Variants in ASCC2 observed in about 807,000 individuals in gnomAD.
ASCC2 encodes ASC-1 complex subunit P100.
In ASCC2, 42 loss-of-function variants were observed where a neutral mutation model predicts 93.5. The ratio of observed to expected loss-of-function variants is 0.45; its 90% CI spans 0.35 to 0.58. The LOEUF (loss-of-function observed/expected upper bound fraction) is 0.58, where lower values mean the gene tolerates loss of function less well. Ranked by LOEUF, ASCC2 falls within the 20% of genes least tolerant of loss-of-function variation. ASCC2 has a pLI of 0.00. For synonymous variants in ASCC2, 364 were observed against 384.2 expected (o/e 0.95, Z 0.62); for missense variants, 859 against 977.6 (o/e 0.88, Z 1.62).
At position 29,804,794 on chromosome 22, in the gene ASCC2, G is replaced by A. The variant is rs760178615; in HGVS notation, c.1197C>T (p.Val399=). 31 of 1,613,876 alleles carry A rather than the reference G, an allele frequency of 1.9e-5. 1 individual carries two copies. In the South Asian group the frequency reaches 2.2e-4, roughly 11 times the overall value. The part of the protein sequence containing the change: ...ETRTAYILQA[V]ESAWEGVDRR... Reference sequence around the variant, plus strand: ...TGTCCACCCCTTCCCATGCACTCTCGACTGCCTGGAGGATGTAGGCAGTCC... The same window carrying A: ...TGTCCACCCCTTCCCATGCACTCTCAACTGCCTGGAGGATGTAGGCAGTCC... The change falls in exon 13 of 20, where the codon GTC becomes GTT. Residue 399 remains valine (V), a synonymous_variant. Transcript: ENST00000307790.
Position 29,804,724 on chromosome 22 carries a change from G to T in ASCC2, c.1267C>A (p.Pro423Thr), listed in dbSNP as rs36571. The T allele has an allele frequency of 1.2e-6, 2 of 1,613,958 alleles. No individual in the cohort carries two copies. The highest frequency in any genetic ancestry group is 4.5e-5 in the East Asian group (2 of 44,868). The change falls in exon 13 of 20, where the codon CCT (proline) becomes ACT (threonine). Residue 423 changes from proline to threonine, a missense_variant. Pro to Thr is a conservative substitution (Grantham distance 38). Transcript: ENST00000307790. ...GTGACCCCGTTAGGCTCCCCATTAG[G>T]CTCCTCAATCACCGATGGGTCTTTA... The part of the protein sequence containing the change: ...DAKDPSVIEE[P>T]NGEPNGVTVT...
At chr22:29,819,036 G>A (rs1008631172) in intron 5 of ASCC2, among the ~76,000 whole-genome samples, 2 of 152,170 alleles carry the variant, frequency 1.3e-5, no homozygotes, top group Non-Finnish European at 2.9e-5. Flanking sequence ...TTACCAGATG[G>A]CTCCTTGCCT....
intron 2 of ASCC2, among the ~76,000 whole-genome samples, chr22:29,827,826 C>T (rs1176221413): frequency 7.6e-6 from 1 of 131,184 alleles, no homozygotes; most frequent in African/African-American, 3.0e-5. Flanking sequence ...CACACACACA[C>T]ACACATACAC....
At position 29,792,505 on chromosome 22, in the gene ASCC2, G is replaced by A; in HGVS notation, c.1950C>T (p.Thr650=). The A allele has an allele frequency of 1.2e-6, 2 of 1,614,060 alleles. 1 individual carries two copies. Residue 650 remains threonine, a synonymous_variant, in exon 18 of 20, where the codon ACC becomes ACT. Coordinates refer to ENST00000307790, the MANE Select transcript of ASCC2 (RefSeq NM_032204.5). ...RPFTIPQVLR[T]KVPREGQEED... ...CCTCCTGCCCTTCTCTAGGCACTTT[G>A]GTTCTCAGCACCTGAGGGATGGTGA... is the stretch of plus-strand genomic sequence containing the variant.
chr22:29,831,775 C>G (rs906548728), intron 2 of ASCC2, among the ~76,000 whole-genome samples: 1 of 152,146 alleles, frequency 6.6e-6, no homozygotes, highest in Non-Finnish European at 1.5e-5. Flanking sequence ...CTAGCTCTGC[C>G]GGGGTGTTTG....
In ASCC2 at chr22:29,832,232, G is replaced by C. The variant is rs1189073032; in HGVS notation, c.81+13C>G. 1 of 1,605,562 alleles carries C rather than the reference G, an allele frequency of 6.2e-7. No individual in the cohort carries two copies. Among genetic ancestry groups the C allele is most frequent in the South Asian group, 1.1e-5 (1 of 90,872 alleles). The stretch of plus-strand genomic sequence containing the variant: ...ACAATATCAGGCTGAATGGCCTTAA[G>C]TGACCGGCTCACCAGCGCTGGTGAA... On this transcript the variant is annotated intron_variant, in intron 2 of 19. Transcript: ENST00000307790.
chr22:29,835,335 C>T (rs2063641073), intron 1 of ASCC2, among the ~76,000 whole-genome samples: 1 of 151,672 alleles, frequency 6.6e-6, no homozygotes, highest in South Asian at 2.1e-4. Context: ...GAGATCAAGG[C>T]TGCAGTAAGC....
At chr22:29,795,510 G>A (rs531469106) in intron 15 of ASCC2, among the ~76,000 whole-genome samples, 1 of 152,260 alleles carries the variant, frequency 6.6e-6, no homozygotes, top group East Asian at 1.9e-4. Flanking sequence ...GGAGCCATAG[G>A]GATATCTGGG....
intron 4 of ASCC2, among the ~76,000 whole-genome samples, 193 bp from the exon 5 acceptor site, chr22:29,822,657 T>C (rs1393907082): frequency 6.6e-6 from 1 of 151,412 alleles, no homozygotes; most frequent in African/African-American, 2.4e-5. Flanking sequence ...TCTATCTATG[T>C]TTTTGTGTCT....
Position 29,788,944 on chromosome 22 carries a change from C to T in ASCC2, c.*69G>A. On this transcript the variant is annotated 3_prime_UTR_variant, in exon 20 of 20. Coordinates refer to ENST00000307790, the MANE Select transcript of ASCC2 (RefSeq NM_032204.5). Reference sequence around the variant, plus strand: ...GAACTTGGGGCCCCTAGTGAGGAGGCCCCAGGCGATGGGAGCACGGCCTGG... The same window carrying T: ...GAACTTGGGGCCCCTAGTGAGGAGGTCCCAGGCGATGGGAGCACGGCCTGG... 1 of 1,597,336 alleles carries T rather than the reference C, an allele frequency of 6.3e-7. No homozygotes were observed. Among genetic ancestry groups the T allele is most frequent in the East Asian group, 2.2e-5 (1 of 44,708 alleles).
At chr22:29,792,682 G>A in intron 17 of ASCC2, 147 bp from the exon 18 acceptor site, 3 of 1,135,128 alleles carry the variant, frequency 2.6e-6, no homozygotes, top group Non-Finnish European at 3.7e-6. Context: ...AGCCAGATTT[G>A]CTCCAGCCCC....
Position 29,804,789 on chromosome 22 carries a change from C to T in ASCC2, c.1202G>A (p.Ser401Asn). The T allele has an allele frequency of 6.2e-7, 1 of 1,614,172 alleles. No individual in the cohort carries two copies. Among genetic ancestry groups the T allele is most frequent in the Non-Finnish European group, 8.5e-7 (1 of 1,180,020 alleles). Residue 401 changes from serine (S) to asparagine (N), a missense_variant, in exon 13 of 20, where the codon AGT becomes AAT. Transcript: ENST00000307790. ...RTAYILQAVESAWEGVDRRKA... is the reference protein window; with the variant it reads ...RTAYILQAVENAWEGVDRRKA... ...CCGTCTGTCCACCCCTTCCCATGCACTCTCGACTGCCTGGAGGATGTAGGC... is the reference window on the plus strand; with the variant it reads ...CCGTCTGTCCACCCCTTCCCATGCATTCTCGACTGCCTGGAGGATGTAGGC...
chr22:29,821,812 T>C (rs1279567298), intron 5 of ASCC2: 6 of 344,702 alleles, frequency 1.7e-5, no homozygotes, highest in East Asian at 8.6e-5. Context: ...TGGAACAACA[T>C]AGTGAGACCC....
At chr22:29,791,163 T>G in intron 18 of ASCC2, among the ~76,000 whole-genome samples, 1 of 149,282 alleles carries the variant, frequency 6.7e-6, no homozygotes, top group African/African-American at 2.5e-5. Flanking sequence ...ATCACTTGAG[T>G]CCAGGAGTTT....
chr22:29,814,087 CTGCCACG>C (rs1374860227), intron 7 of ASCC2, among the ~76,000 whole-genome samples: 1 of 152,216 alleles, frequency 6.6e-6, no homozygotes, highest in African/African-American at 2.4e-5. Flanking sequence ...CCCACAGCAC[CTGCCACG>C]TGCCCTTCTG....
rs749918340 is a variant in ASCC2 at position 29,804,822 on chromosome 22, G to T, written c.1169C>A (p.Thr390Lys). 30 of 1,613,368 alleles carry T rather than the reference G, an allele frequency of 1.9e-5. No individual in the cohort carries two copies. Among genetic ancestry groups the T allele is most frequent in the Middle Eastern group, 3.3e-4 (2 of 6,056 alleles). Residue 390 changes from threonine (T) to lysine (K), a missense_variant, in exon 13 of 20, where the codon ACG becomes AAG. Transcript: ENST00000307790. ...LQQASSVLDETRTAYILQAVE... is the reference protein window; with the variant it reads ...LQQASSVLDEKRTAYILQAVE... ...TGCCTGGAGGATGTAGGCAGTCCGC[G>T]TCTCGTCCCTGTGAGGACTTGTTAA...
At chr22:29,816,119 C>T (rs747216727) in intron 5 of ASCC2, 46 bp from the exon 6 acceptor site, 4 of 1,473,058 alleles carry the variant, frequency 2.7e-6, no homozygotes, top group Non-Finnish European at 2.8e-6. Context: ...GGTGGGGGCT[C>T]GGGGCAGTGA....
At chr22:29,822,227 C>T in intron 5 of ASCC2, 108 bp downstream of exon 5, 1 of 1,449,396 alleles carries the variant, frequency 6.9e-7, no homozygotes, top group Non-Finnish European at 9.4e-7. Flanking sequence ...CTCCCTGCCC[C>T]TATCGCCCTG....
intron 15 of ASCC2, among the ~76,000 whole-genome samples, chr22:29,799,993 G>T (rs1229584750): frequency 1.3e-5 from 2 of 152,174 alleles, no homozygotes; most frequent in Non-Finnish European, 2.9e-5. Context: ...TCGCTATGTT[G>T]CCCAGGCTGG....
Sources: allele counts gnomAD v4.1 joint callset (sites outside exome capture counted in the v4.1 genomes callset), GRCh38; gene constraint gnomAD v4.1.1; transcripts MANE v1.5; gene names NCBI Gene and HGNC (gene_info 2026-07-23, HGNC 2026-07-21).